Variants in CACNA1E observed in about 807,000 individuals in gnomAD.
CACNA1E encodes calcium voltage-gated channel subunit alpha1 E.
Under a neutral mutation model 259.2 loss-of-function variants are expected in CACNA1E, and 40 were observed. The observed-to-expected ratio is 0.15, with a 90% CI of 0.12 to 0.20. The LOEUF (loss-of-function observed/expected upper bound fraction) is 0.20. Ranked by LOEUF, CACNA1E falls within the 10% of genes least tolerant of loss-of-function variation. The probability of loss-of-function intolerance (pLI) is 1.00; values close to 1 mark genes in which losing one functional copy is unlikely to be tolerated. For synonymous variants in CACNA1E, 1,104 were observed against 1,138.5 expected (o/e 0.97, Z 0.61); for missense variants, 1,874 against 3,040.1 (o/e 0.62, Z 9.02).
intron 3 of CACNA1E, among the ~76,000 whole-genome samples, chr1:181,523,002 A>G (rs945172979): frequency 2.0e-5 from 3 of 152,214 alleles, no homozygotes; most frequent in African/African-American, 7.2e-5. Flanking sequence ...CTGAAATACA[A>G]GACTTGGGGA....
At chr1:181,573,193 C>G (rs1463810922) in intron 3 of CACNA1E, among the ~76,000 whole-genome samples, 3 of 152,154 alleles carry the variant, frequency 2.0e-5, no homozygotes, top group Non-Finnish European at 4.4e-5. Flanking sequence ...AATGACATAC[C>G]ACTTGAAAAT....
chr1:181,489,829 G>A (rs1043668996), intron 1 of CACNA1E, among the ~76,000 whole-genome samples: 5 of 152,154 alleles, frequency 3.3e-5, no homozygotes, highest in South Asian at 2.1e-4. Flanking sequence ...CTAACACTCC[G>A]CCACCACTAC....
chr1:181,673,227 T>A lies in CACNA1E; in HGVS notation c.1055+21786T>A, dbSNP rs199874413. Among the ~76,000 whole-genome samples, 3 of 56,144 alleles carry A rather than the reference T, an allele frequency of 5.3e-5. No individual in the cohort carries two copies. The Admixed American group carries it at 6.6e-4, about 12-fold the overall frequency. The allele number at this position is 56,144 out of a possible 152,430, so 36.8% of individuals were successfully genotyped here. A position where few individuals can be genotyped will look rare whatever the true frequency, so the allele number is the denominator to read the frequency against. On this transcript the variant is annotated intron_variant, in intron 7 of 47. Transcript: ENST00000367573. The stretch of plus-strand genomic sequence containing the variant: ...ATGTATGTATGTATATGAGTATGTG[T>A]GTGTGTGTGTGTGTGTATTTTTCCC...
At chr1:181,769,499 C>A (rs534888797) in intron 35 of CACNA1E, among the ~76,000 whole-genome samples, 1 of 149,740 alleles carries the variant, frequency 6.7e-6, no homozygotes, top group East Asian at 2.0e-4. Flanking sequence ...TTGTCTTGAA[C>A]TCCTGGGCTC....
chr1:181,667,242 G>C lies in CACNA1E; in HGVS notation c.1055+15801G>C, dbSNP rs551022243. 5.4e-4 allele frequency among the ~76,000 whole-genome samples: 82 copies of C among 152,250 alleles called. 1 individual carries two copies. Among genetic ancestry groups the C allele is most frequent in the Non-Finnish European group, 1.0e-3 (69 of 67,976 alleles). On this transcript the variant is annotated intron_variant, in intron 7 of 47. Coordinates refer to ENST00000367573, the MANE Select transcript of CACNA1E (RefSeq NM_001205293.3). The stretch of plus-strand genomic sequence containing the variant: ...ACAGAAAATGAGGATTTCAAGCACT[G>C]ATGGCTGAAATGTAAGGTGAAAACC...
chr1:181,509,233 G>T (rs755443322), intron 1 of CACNA1E, among the ~76,000 whole-genome samples: 3 of 152,146 alleles, frequency 2.0e-5, no homozygotes, highest in Admixed American at 6.5e-5. Flanking sequence ...TGCACACACT[G>T]CCTTGCCCTC....
chr1:181,604,683 G>T (rs1354916172), intron 6 of CACNA1E, among the ~76,000 whole-genome samples: 1 of 152,218 alleles, frequency 6.6e-6, no homozygotes, highest in African/African-American at 2.4e-5. Flanking sequence ...AGGTAGAACT[G>T]TGCTTACTAC....
At chr1:181,378,135 A>G (rs767861668) in intron 1 of CACNA1E, among the ~76,000 whole-genome samples, 2 of 152,248 alleles carry the variant, frequency 1.3e-5, no homozygotes, top group Non-Finnish European at 2.9e-5. Flanking sequence ...ACCACTTACA[A>G]TTTGGAAGCT....
intron 3 of CACNA1E, among the ~76,000 whole-genome samples, chr1:181,559,175 G>A (rs1399125090): frequency 2.6e-5 from 4 of 152,208 alleles, no homozygotes; most frequent in Non-Finnish European, 5.9e-5. Flanking sequence ...AAAGGTTTGG[G>A]CTGTTACTGC....
At chr1:181,730,656 G>A (rs530672071) in intron 18 of CACNA1E, among the ~76,000 whole-genome samples, 128 of 152,342 alleles carry the variant, frequency 8.4e-4, no homozygotes, top group African/African-American at 3.0e-3. Context: ...GGACCACTTC[G>A]TAGCCTTGAC....
intron 2 of CACNA1E, among the ~76,000 whole-genome samples, chr1:181,415,170 G>T (rs1658172124): frequency 2.0e-5 from 3 of 152,176 alleles, no homozygotes; most frequent in African/African-American, 7.2e-5. Flanking sequence ...GGCTGAGACT[G>T]TCATGCACAT....
At chr1:181,647,141 A>G (rs942585747) in intron 6 of CACNA1E, among the ~76,000 whole-genome samples, 1 of 152,208 alleles carries the variant, frequency 6.6e-6, no homozygotes, top group African/African-American at 2.4e-5. Context: ...GCACTCTCCT[A>G]TGATGCCTGA....
intron 26 of CACNA1E, 145 bp from the exon 27 acceptor site, chr1:181,751,998 A>G (rs1657642227): frequency 2.8e-6 from 2 of 718,776 alleles, no homozygotes; most frequent in Non-Finnish European, 5.0e-6. Context: ...CCTGGAGTCA[A>G]ATCTGACTCA....
At chr1:181,548,720 C>A (rs909856704) in intron 3 of CACNA1E, among the ~76,000 whole-genome samples, 1 of 152,198 alleles carries the variant, frequency 6.6e-6, no homozygotes, top group African/African-American at 2.4e-5. Context: ...TAAGGCCAGG[C>A]TAGGAGGGTT....
At chr1:181,725,046 G>A in intron 17 of CACNA1E, among the ~76,000 whole-genome samples, 1 of 152,220 alleles carries the variant, frequency 6.6e-6, no homozygotes, top group East Asian at 1.9e-4. Context: ...TCACAGAACT[G>A]TTCCCTTCTT....
chr1:181,578,979 T>A (rs1651251434), intron 4 of CACNA1E, 93 bp from the exon 5 acceptor site: 1 of 1,093,672 alleles, frequency 9.1e-7, no homozygotes, highest in Admixed American at 2.6e-5. Flanking sequence ...GACGGCAGCA[T>A]GGATGAAACC....
At chr1:181,453,472 A>G (rs1392047145) in intron 2 of CACNA1E, among the ~76,000 whole-genome samples, 6 of 152,188 alleles carry the variant, frequency 3.9e-5, no homozygotes, top group Non-Finnish European at 5.9e-5. Flanking sequence ...TCTGCCTTCA[A>G]GGGAGTTAAT....
chr1:181,729,784 G>A (rs756711280), intron 18 of CACNA1E, among the ~76,000 whole-genome samples: 8 of 152,188 alleles, frequency 5.3e-5, no homozygotes, highest in Admixed American at 1.3e-4. Flanking sequence ...TTCCACGTAC[G>A]TACACTCTTA....
chr1:181,487,870 C>T (rs1266471484), intron 1 of CACNA1E, among the ~76,000 whole-genome samples: 3 of 152,192 alleles, frequency 2.0e-5, no homozygotes, highest in Non-Finnish European at 1.5e-5. Flanking sequence ...AGGATATTCC[C>T]CCCACACCTC....
Sources: gnomAD v4.1 joint callset for allele counts (sites outside exome capture counted in the v4.1 genomes callset) on GRCh38, gnomAD v4.1.1 for gene constraint, MANE v1.5 for transcripts, NCBI Gene and HGNC (gene_info 2026-07-23, HGNC 2026-07-21) for gene names.